Variants in GRM8 observed in about 807,000 individuals in gnomAD.
The protein encoded by GRM8 is metabotropic glutamate receptor 8.
GRM8 carries 47 observed loss-of-function variants against 87.2 expected under a neutral mutation model. That is an observed-to-expected ratio of 0.54 (90% CI 0.43 to 0.69). The LOEUF is 0.69. Ranked by LOEUF, GRM8 falls within the 30% of genes least tolerant of loss-of-function variation. GRM8 has a pLI of 0.00. For missense variants in GRM8, 1,019 were observed against 1,139.2 expected, an observed-to-expected ratio of 0.89 and a Z score of 1.52; for synonymous variants, 396 against 404.5, an observed-to-expected ratio of 0.98 and a Z score of 0.25.
At chr7:126,486,896 T>G (rs1807436863) in intron 9 of GRM8, among the ~76,000 whole-genome samples, 1 of 152,042 alleles carries the variant, frequency 6.6e-6, no homozygotes, top group South Asian at 2.1e-4. Context: ...AAAATTTGAC[T>G]AGTCCAGAGT....
Position 126,664,136 on chromosome 7 carries a change from G to A in GRM8, c.1358-54638C>T, listed in dbSNP as rs150907636. Among the ~76,000 whole-genome samples the A allele has an allele frequency of 3.6e-3, 541 of 152,174 alleles. 4 individuals carry two copies. The highest frequency in any genetic ancestry group is 0.013 in the African/African-American group (521 of 41,506). ...CAAGACACTGCTGAAAGAAATCAGA[G>A]ATGACACAAACAAAACAAAAAACAT... is the stretch of plus-strand genomic sequence containing the variant. On this transcript the variant is annotated intron_variant, in intron 7 of 10. Coordinates refer to ENST00000339582, the MANE Select transcript of GRM8 (RefSeq NM_000845.3).
intron 5 of GRM8, among the ~76,000 whole-genome samples, 191 bp downstream of exon 5, chr7:126,903,775 GTATATA>G (rs544721638): frequency 2.5e-4 from 22 of 87,670 alleles, no homozygotes; most frequent in African/African-American, 8.4e-4. Flanking sequence ...ATGTGTGTGT[GTATATA>G]TATATATATA....
chr7:126,808,370 C>G (rs1012003840), intron 6 of GRM8, among the ~76,000 whole-genome samples: 1 of 152,184 alleles, frequency 6.6e-6, no homozygotes, highest in African/African-American at 2.4e-5. Flanking sequence ...ATTGTCCCAT[C>G]ATGCAAAATA....
At chr7:126,930,408 C>A (rs1805641892) in intron 3 of GRM8, among the ~76,000 whole-genome samples, 1 of 152,200 alleles carries the variant, frequency 6.6e-6, no homozygotes, top group Non-Finnish European at 1.5e-5. Context: ...AAGGGATCGG[C>A]AGTCCTACAG....
chr7:126,634,211 T>A (rs1801627473), intron 7 of GRM8, among the ~76,000 whole-genome samples: 1 of 152,156 alleles, frequency 6.6e-6, no homozygotes, highest in Admixed American at 6.6e-5. Flanking sequence ...TTAGAAGTGT[T>A]TTAAAGTGGC....
intron 6 of GRM8, among the ~76,000 whole-genome samples, chr7:126,896,589 A>G (rs1182923510): frequency 6.6e-6 from 1 of 152,132 alleles, no homozygotes; most frequent in Non-Finnish European, 1.5e-5. Flanking sequence ...AGAGGTAGTT[A>G]TAATTGAAAA....
intron 6 of GRM8, among the ~76,000 whole-genome samples, chr7:126,803,358 C>A (rs762280626): frequency 3.9e-4 from 59 of 152,256 alleles, no homozygotes; most frequent in Admixed American, 2.2e-3. Flanking sequence ...TAGTTTAATT[C>A]TTTCAAAATA....
intron 3 of GRM8, among the ~76,000 whole-genome samples, chr7:127,049,880 T>C (rs1333902143): frequency 6.6e-6 from 1 of 152,016 alleles, no homozygotes; most frequent in Non-Finnish European, 1.5e-5. Context: ...TTGTGCTTGA[T>C]AGAGGAGAAT....
intron 7 of GRM8, among the ~76,000 whole-genome samples, chr7:126,631,469 A>G (rs965199907): frequency 6.6e-6 from 1 of 152,224 alleles, no homozygotes; most frequent in Non-Finnish European, 1.5e-5. Flanking sequence ...AAAGCAATTT[A>G]TAGATTCAAT....
intron 6 of GRM8, among the ~76,000 whole-genome samples, chr7:126,830,065 G>A: frequency 6.6e-6 from 1 of 152,220 alleles, no homozygotes; most frequent in Non-Finnish European, 1.5e-5. Context: ...TTTCTGCCGA[G>A]AGATCAGCTG....
At chr7:126,902,996 A>G (rs1802252740) in intron 5 of GRM8, among the ~76,000 whole-genome samples, 1 of 152,146 alleles carries the variant, frequency 6.6e-6, no homozygotes, top group African/African-American at 2.4e-5. Flanking sequence ...GCAACCAGTG[A>G]CTTCATGCTG....
In GRM8 at chr7:126,685,303, CAG is replaced by C. The variant is rs745409564; in HGVS notation, c.1358-75807_1358-75806del. ...ATGTGGTTGGGCACAGAGGGGTGAC[CAG>C]AGAGGGGACTCGAGGCGGAGCCGGG... On this transcript the variant is annotated intron_variant, in intron 7 of 10. Transcript: ENST00000339582. The surrounding 1 kb of genome is among the most constrained non-coding windows in gnomAD (Gnocchi z 4.2). Among the ~76,000 whole-genome samples, 23 of 152,250 alleles carry C rather than the reference CAG, an allele frequency of 1.5e-4. No individual in the cohort carries two copies. In the East Asian group the frequency reaches 3.5e-3, roughly 23 times the overall value.
intron 7 of GRM8, among the ~76,000 whole-genome samples, chr7:126,680,794 A>C (rs1417978025): frequency 6.6e-6 from 1 of 152,152 alleles, no homozygotes; most frequent in Non-Finnish European, 1.5e-5. Flanking sequence ...TCCAGCTTTT[A>C]TTGGTATCCA....
At chr7:126,975,905 C>T (rs17867058) in intron 3 of GRM8, among the ~76,000 whole-genome samples, 1 of 152,250 alleles carries the variant, frequency 6.6e-6, no homozygotes, top group East Asian at 1.9e-4. Context: ...CTCATGACCA[C>T]CCAGTCCTCT....
chr7:126,633,738 C>G (rs942196317), intron 7 of GRM8, among the ~76,000 whole-genome samples: 12 of 151,698 alleles, frequency 7.9e-5, no homozygotes, highest in African/African-American at 2.7e-4. Flanking sequence ...CACTAAATAA[C>G]TATTTGGTAC....
chr7:126,828,524 T>G (rs1010797889), intron 6 of GRM8, among the ~76,000 whole-genome samples: 4 of 152,210 alleles, frequency 2.6e-5, no homozygotes, highest in African/African-American at 9.7e-5. Flanking sequence ...TATTCTCTGA[T>G]GGTAGTTTGT....
At chr7:126,937,339 A>T (rs768660152) in intron 3 of GRM8, among the ~76,000 whole-genome samples, 15 of 152,246 alleles carry the variant, frequency 9.9e-5, no homozygotes, top group Non-Finnish European at 2.1e-4. Context: ...GCCAAAGGCT[A>T]CTTTAATGTG....
chr7:126,989,201 C>T (rs1055022809), intron 3 of GRM8, among the ~76,000 whole-genome samples: 15 of 152,138 alleles, frequency 9.9e-5, no homozygotes, highest in African/African-American at 1.7e-4. Flanking sequence ...AACCTAAGTA[C>T]ATTAATTAAC....
At chr7:126,998,930 A>G (rs1813444778) in intron 3 of GRM8, among the ~76,000 whole-genome samples, 1 of 151,908 alleles carries the variant, frequency 6.6e-6, no homozygotes, top group Non-Finnish European at 1.5e-5. Flanking sequence ...ATGGAACTAC[A>G]AAAGACCCCA....
Sources: gnomAD v4.1 joint callset for allele counts (sites outside exome capture counted in the v4.1 genomes callset) on GRCh38, gnomAD v4.1.1 for gene constraint, Gnocchi (gnomAD v3.1) non-coding constraint, MANE v1.5 for transcripts, NCBI Gene and HGNC (gene_info 2026-07-23, HGNC 2026-07-21) for gene names.